Variants in SCAI observed in about 807,000 individuals in gnomAD.
SCAI encodes the protein suppressor of cancer cell invasion, also known as protein SCAI.
In SCAI, 24 loss-of-function variants were observed where a neutral mutation model predicts 92.2. That is an observed-to-expected ratio of 0.26 (90% CI 0.19 to 0.37). The LOEUF (loss-of-function observed/expected upper bound fraction) is 0.37. Ranked by LOEUF, SCAI falls within the 10% of genes least tolerant of loss-of-function variation. SCAI has a pLI of 1.00. For synonymous variants in SCAI, 261 were observed against 258.6 expected, an observed-to-expected ratio of 1.01 and a Z score of -0.09; for missense variants, 450 against 736.2, an observed-to-expected ratio of 0.61 and a Z score of 4.50.
At chr9:125,089,119 T>G (rs925046497) in intron 2 of SCAI, among the ~76,000 whole-genome samples, 2 of 152,226 alleles carry the variant, frequency 1.3e-5, no homozygotes, top group African/African-American at 4.8e-5. Context: ...TTAACTGTAT[T>G]CTACATATCT....
intron 13 of SCAI, among the ~76,000 whole-genome samples, chr9:124,995,547 T>G (rs564082021): frequency 7.9e-5 from 12 of 152,102 alleles, no homozygotes; most frequent in African/African-American, 9.6e-5. Flanking sequence ...TACAGTGGTG[T>G]TGTGCAATCG....
At chr9:124,997,913 A>G (rs1832275535) in intron 13 of SCAI, among the ~76,000 whole-genome samples, 2 of 151,852 alleles carry the variant, frequency 1.3e-5, no homozygotes, top group African/African-American at 4.8e-5. Flanking sequence ...AAAAAAGAAA[A>G]AGAACTTTTG....
At chr9:125,049,583 T>C (rs1043367354) in intron 3 of SCAI, among the ~76,000 whole-genome samples, 2 of 152,236 alleles carry the variant, frequency 1.3e-5, no homozygotes, top group Non-Finnish European at 2.9e-5. Flanking sequence ...TATGTTTTCT[T>C]ACACAGTGAG....
intron 2 of SCAI, among the ~76,000 whole-genome samples, chr9:125,096,963 G>A (rs557028185): frequency 3.3e-5 from 5 of 152,154 alleles, no homozygotes; most frequent in African/African-American, 7.2e-5. Context: ...ATAACTTAAC[G>A]TTTAAATAAA....
intron 17 of SCAI, among the ~76,000 whole-genome samples, chr9:124,955,906 G>A (rs1831308973): frequency 1.3e-5 from 2 of 152,136 alleles, no homozygotes; most frequent in South Asian, 2.1e-4. Context: ...CCCTTTGAAA[G>A]TGGATTCATA....
At chr9:125,003,379 G>GGCTGTAGTA (rs1832405295) in intron 10 of SCAI, 90 bp downstream of exon 10, 2 of 1,031,428 alleles carry the variant, frequency 1.9e-6, no homozygotes, top group Middle Eastern at 2.0e-4. Context: ...CTTTATTCAA[G>GGCTGTAGTA]GCTGTAGTAT....
At chr9:125,042,133 C>T (rs1833327799) in intron 3 of SCAI, among the ~76,000 whole-genome samples, 1 of 152,046 alleles carries the variant, frequency 6.6e-6, no homozygotes. Context: ...TTTAAGTGAC[C>T]TTATATTTCA....
chr9:125,085,750 A>G (rs570332957), intron 2 of SCAI, among the ~76,000 whole-genome samples: 40 of 152,294 alleles, frequency 2.6e-4, no homozygotes, highest in African/African-American at 9.1e-4. Context: ...CTGGGCAACA[A>G]AGCGAGACCT....
intron 2 of SCAI, among the ~76,000 whole-genome samples, chr9:125,057,954 T>C (rs943675038): frequency 6.6e-6 from 1 of 151,358 alleles, no homozygotes; most frequent in South Asian, 2.1e-4. Flanking sequence ...ATTAGCCAGA[T>C]GTGGTGGCAG....
At chr9:124,987,727 C>T (rs924818662) in intron 14 of SCAI, among the ~76,000 whole-genome samples, 37 of 151,850 alleles carry the variant, frequency 2.4e-4, no homozygotes, top group African/African-American at 8.5e-4. Flanking sequence ...TTTGGGAGGC[C>T]GAGCTGAGTG....
chr9:124,981,064 T>C (rs1380030885), intron 14 of SCAI, among the ~76,000 whole-genome samples: 1 of 152,232 alleles, frequency 6.6e-6, no homozygotes, highest in Non-Finnish European at 1.5e-5. Flanking sequence ...TTTTGCAGAA[T>C]ATATCATAAC....
At chr9:125,008,357 G>A (rs947878972) in intron 9 of SCAI, among the ~76,000 whole-genome samples, 11 of 151,872 alleles carry the variant, frequency 7.2e-5, no homozygotes, top group East Asian at 1.9e-4. Flanking sequence ...GGCTGGTCTC[G>A]GACTCCTAAC....
intron 14 of SCAI, among the ~76,000 whole-genome samples, chr9:124,985,693 C>T (rs766686567): frequency 9.9e-5 from 15 of 151,794 alleles, no homozygotes; most frequent in Non-Finnish European, 2.1e-4. Context: ...CATGGAGAAA[C>T]CCCGTCTCTA....
At chr9:125,085,529 T>TA (rs1279066436) in intron 2 of SCAI, among the ~76,000 whole-genome samples, 4 of 151,328 alleles carry the variant, frequency 2.6e-5, no homozygotes, top group Admixed American at 6.6e-5. Context: ...GCTTCTACAT[T>TA]AAAAAAATAT....
At chr9:125,106,096 C>CACAAAAAAAA (rs1299930738) in intron 2 of SCAI, among the ~76,000 whole-genome samples, 3 of 18,780 alleles carry the variant, frequency 1.6e-4, no homozygotes, top group East Asian at 4.9e-3. Flanking sequence ...GACTCCATCT[C>CACAAAAAAAA]AAAAAAAAAA....
intron 9 of SCAI, among the ~76,000 whole-genome samples, chr9:125,015,063 T>C (rs1429097498): frequency 1.3e-5 from 2 of 152,120 alleles, no homozygotes; most frequent in African/African-American, 4.8e-5. Context: ...ATGTTAGATC[T>C]AAAACCATAA....
chr9:125,102,353 G>C (rs1011158923), intron 2 of SCAI, among the ~76,000 whole-genome samples: 1 of 151,942 alleles, frequency 6.6e-6, no homozygotes, highest in Admixed American at 6.6e-5. Context: ...ACTTAAATCG[G>C]TAAGAGGCCA....
Position 125,091,318 on chromosome 9 carries a change from C to G in SCAI, c.99-35311G>C, listed in dbSNP as rs563591007. 6.6e-6 allele frequency among the ~76,000 whole-genome samples: 1 copy of G among 152,184 alleles called. No individual in the cohort carries two copies. Among genetic ancestry groups the G allele is most frequent in the African/African-American group, 2.4e-5 (1 of 41,444 alleles). On this transcript the variant is annotated intron_variant, in intron 2 of 17. Coordinates refer to ENST00000336505, the MANE Select transcript of SCAI (RefSeq NM_001144877.3). The surrounding 1 kb of genome is among the most constrained non-coding windows in gnomAD (Gnocchi z 4.3). Reference sequence around the variant, plus strand: ...TCCATCCATGCTGTGAGGTACTTGACAACTTTCCAATAAATTCATTTTCTG... The same window carrying G: ...TCCATCCATGCTGTGAGGTACTTGAGAACTTTCCAATAAATTCATTTTCTG...
chr9:124,959,264 A>G (rs1423041615), intron 17 of SCAI, among the ~76,000 whole-genome samples: 2 of 148,306 alleles, frequency 1.3e-5, no homozygotes, highest in African/African-American at 5.0e-5. Context: ...TAATAATAAT[A>G]AAATTTAAAA....
Sources: gnomAD v4.1 joint callset for allele counts (sites outside exome capture counted in the v4.1 genomes callset) on GRCh38, gnomAD v4.1.1 for gene constraint, Gnocchi (gnomAD v3.1) non-coding constraint, MANE v1.5 for transcripts, NCBI Gene and HGNC (gene_info 2026-07-23, HGNC 2026-07-21) for gene names.